Variants in TMC3 observed in about 807,000 individuals in gnomAD.
TMC3 encodes the protein transmembrane channel like 3.
A neutral mutation model predicts 110.6 loss-of-function variants in TMC3; 98 were observed. That is an observed-to-expected ratio of 0.89 (90% CI 0.75 to 1.05). The LOEUF (loss-of-function observed/expected upper bound fraction) is 1.05, where lower values mean the gene tolerates loss of function less well. TMC3 is among the 50% of genes least tolerant of loss of function. The pLI, the probability that TMC3 is intolerant of heterozygous loss-of-function variation, is 0.00. For synonymous variants in TMC3, 489 were observed against 513.1 expected (o/e 0.95, Z 0.63); for missense variants, 1,319 against 1,373.2 (o/e 0.96, Z 0.62).
intron 11 of TMC3, 99 bp downstream of exon 11, chr15:81,349,359 G>T: frequency 1.5e-6 from 1 of 652,440 alleles, no homozygotes; most frequent in Non-Finnish European, 2.3e-6. Flanking sequence ...TTGTCTGAGA[G>T]AAAAGAAGCA....
chr15:81,363,829 T>C (rs1359841966), intron 3 of TMC3, among the ~76,000 whole-genome samples: 9 of 152,198 alleles, frequency 5.9e-5, no homozygotes, highest in African/African-American at 2.2e-4. Context: ...GATCATTTAT[T>C]CCCCCAGTAT....
At chr15:81,338,561 A>T in intron 18 of TMC3, 94 bp downstream of exon 18, 1 of 1,522,916 alleles carries the variant, frequency 6.6e-7, no homozygotes, top group Non-Finnish European at 8.9e-7. Context: ...TTTTTGAATG[A>T]ACTAATAAAT....
chr15:81,339,536 T>G (rs1242503345), intron 16 of TMC3, 32 bp from the exon 17 acceptor site: 1 of 1,523,154 alleles, frequency 6.6e-7, no homozygotes, highest in African/African-American at 1.4e-5. Context: ...TGTGTTAAGT[T>G]CACTCCATAG....
intron 5 of TMC3, among the ~76,000 whole-genome samples, chr15:81,359,050 T>C (rs1363844671): frequency 1.3e-5 from 2 of 152,206 alleles, no homozygotes; most frequent in African/African-American, 2.4e-5. Context: ...AAAATCAAAA[T>C]AATTTATATA....
chr15:81,341,093 A>G (rs1422025329), intron 16 of TMC3, among the ~76,000 whole-genome samples: 3 of 152,256 alleles, frequency 2.0e-5, no homozygotes, highest in Non-Finnish European at 4.4e-5. Context: ...CCTTGTGTTC[A>G]GTTTTTGAAA....
rs886860174 is a variant in TMC3 at position 81,358,191 on chromosome 15, C to T, written c.701G>A (p.Gly234Glu). The change falls in exon 7 of 22, where the codon GGG (glycine) becomes GAG (glutamate). Residue 234 changes from glycine (G) to glutamate (E), a missense_variant. By Grantham distance (98) the Gly-to-Glu change is moderately conservative. Transcript: ENST00000359440. ...YRLPLAYFLV[G>E]MAVFAYSFII... ...GAAGCTGTAAGCAAACACTGCCATC[C>T]CCACTAGGAAATACGCCAAGGGCAG... is the stretch of plus-strand genomic sequence containing the variant. 41 of 1,610,736 alleles carry T rather than the reference C, an allele frequency of 2.5e-5. No homozygotes were observed. The highest frequency in any genetic ancestry group is 3.5e-5 in the Non-Finnish European group (41 of 1,178,886).
At chr15:81,369,905 G>A (rs547371254) in intron 2 of TMC3, among the ~76,000 whole-genome samples, 17 of 152,290 alleles carry the variant, frequency 1.1e-4, no homozygotes, top group African/African-American at 3.9e-4. Context: ...CAGCCTGGGT[G>A]AGAGTGACAC....
chr15:81,368,212 T>A (rs780462939), intron 3 of TMC3, 41 bp downstream of exon 3: 1 of 1,479,564 alleles, frequency 6.8e-7, no homozygotes, highest in Non-Finnish European at 9.4e-7. Context: ...GGATTACAGG[T>A]GTGAGCCACC....
chr15:81,331,195 C>T lies in TMC3; in HGVS notation c.*1224G>A, dbSNP rs72748479. 0.022 allele frequency: 3,293 copies of T among 152,326 alleles called. 50 individuals are homozygous for T. The highest frequency in any genetic ancestry group is 0.03 in the Non-Finnish European group (2,018 of 68,042). The allele number at this position is 152,326 out of a possible 1,614,324, so 9.4% of individuals were successfully genotyped here. A position where few individuals can be genotyped will look rare whatever the true frequency, so the allele number is the denominator to read the frequency against. ...AGAAAGCAGCCACCTTTTAAGCAGT[C>T]GGTGGCCGGGAGTACGCGAGGCAGG... On this transcript the variant is annotated 3_prime_UTR_variant, in exon 22 of 22. Coordinates refer to ENST00000359440, the MANE Select transcript of TMC3 (RefSeq NM_001080532.3).
Position 81,332,463 on chromosome 15 carries a change from C to T in TMC3, c.3259G>A (p.Glu1087Lys). ...PSRRKAKSGQ[E>K]LTVDLDDLIC... ...AAGTCATCCAGATCCACGGTCAGCT[C>T]CTGCCCCGACTTGGCCTTCCTCCTG... Residue 1087 changes from glutamate to lysine, a missense_variant, in exon 22 of 22, where the codon GAG becomes AAG. Glu to Lys is a moderately conservative substitution (Grantham distance 56, BLOSUM62 1). Coordinates refer to ENST00000359440, the MANE Select transcript of TMC3 (RefSeq NM_001080532.3). 2 of 1,612,240 alleles carry T rather than the reference C, an allele frequency of 1.2e-6. No individual in the cohort carries two copies. The highest frequency in any genetic ancestry group is 1.3e-5 in the African/African-American group (1 of 75,032).
At position 81,332,955 on chromosome 15, in the gene TMC3, T is replaced by C. The variant is rs1467140627; in HGVS notation, c.2767A>G (p.Arg923Gly). Reference sequence around the variant, plus strand: ...CGGGATGCATATTGTCGCACGTTCCTGGGGTACAGCTCCACAATGTCACCT... The same window carrying C: ...CGGGATGCATATTGTCGCACGTTCCCGGGGTACAGCTCCACAATGTCACCT... ...ASGDIVELYP[R>G]NVRQYASRVP... Residue 923 changes from arginine to glycine, a missense_variant, in exon 22 of 22, where the codon AGG becomes GGG. Transcript: ENST00000359440. 3 of 1,612,748 alleles carry C rather than the reference T, an allele frequency of 1.9e-6. No homozygotes were observed. In the South Asian group the frequency reaches 3.3e-5, roughly 18 times the overall value.
rs746076341 is a variant in TMC3 at position 81,338,612 on chromosome 15, A to G, written c.2081+43T>C. 20 of 1,589,408 alleles carry G rather than the reference A, an allele frequency of 1.3e-5. 1 individual carries two copies. In the South Asian group the frequency reaches 2.0e-4, roughly 16 times the overall value. On this transcript the variant is annotated intron_variant, in intron 18 of 21. Transcript: ENST00000359440. Reference sequence around the variant, plus strand: ...GAAAGCAGCGTTTTCTTGTTGGCCAAACACACAGAAGTCCCTCCAAAGCTG... The same window carrying G: ...GAAAGCAGCGTTTTCTTGTTGGCCAGACACACAGAAGTCCCTCCAAAGCTG...
At chr15:81,364,365 A>G (rs1002808383) in intron 3 of TMC3, among the ~76,000 whole-genome samples, 5 of 152,128 alleles carry the variant, frequency 3.3e-5, no homozygotes, top group African/African-American at 1.2e-4. Context: ...TGGGGGAAAA[A>G]GTTTCATGCT....
intron 19 of TMC3, among the ~76,000 whole-genome samples, chr15:81,337,425 T>C (rs528630165): frequency 6.6e-6 from 1 of 152,206 alleles, no homozygotes; most frequent in Admixed American, 6.5e-5. Flanking sequence ...ATCTAAAGGA[T>C]ATGAAAGAGG....
rs995953488 is a variant in TMC3, at chr15:81,363,052, C to T, written c.313-751G>A. ...CGGGCAGATCACGAGGTCAGGAGTT[C>T]GAGACCAGCCTGGCCAATAAAGTGA... On this transcript the variant is annotated intron_variant, in intron 3 of 21. Transcript: ENST00000359440. Among the ~76,000 whole-genome samples the T allele has an allele frequency of 2.0e-5, 3 of 152,116 alleles. No individual in the cohort carries two copies. The South Asian group carries it at 6.2e-4, about 32-fold the overall frequency.
At chr15:81,372,817 T>G in intron 1 of TMC3, 80 bp from the exon 2 acceptor site, 1 of 1,479,592 alleles carries the variant, frequency 6.8e-7, no homozygotes, top group Non-Finnish European at 9.2e-7. Context: ...TGGGCACAAG[T>G]TCAGCATCTC....
At chr15:81,354,467 C>T (rs553171370) in intron 9 of TMC3, among the ~76,000 whole-genome samples, 1 of 152,340 alleles carries the variant, frequency 6.6e-6, no homozygotes, top group South Asian at 2.1e-4. Context: ...AGGGTAGCTC[C>T]ATGAGCATTC....
intron 10 of TMC3, 65 bp downstream of exon 10, chr15:81,351,629 G>A: frequency 1.3e-6 from 2 of 1,535,988 alleles, no homozygotes; most frequent in South Asian, 2.4e-5. Flanking sequence ...TGGGATTACA[G>A]GCATCAGCCA....
chr15:81,363,830 C>A (rs1027833885), intron 3 of TMC3, among the ~76,000 whole-genome samples: 3 of 152,164 alleles, frequency 2.0e-5, no homozygotes, highest in African/African-American at 4.8e-5. Flanking sequence ...ATCATTTATT[C>A]CCCCAGTATC....
Sources: allele counts gnomAD v4.1 joint callset (sites outside exome capture counted in the v4.1 genomes callset), GRCh38; gene constraint gnomAD v4.1.1; transcripts MANE v1.5; gene names NCBI Gene and HGNC (gene_info 2026-07-23, HGNC 2026-07-21).